The following ADAM22 variants were observed in gnomAD, a reference collection of about 807,000 sequenced individuals.
ADAM22 encodes the protein disintegrin and metalloproteinase domain-containing protein 22.
Under a neutral mutation model 144.6 loss-of-function variants are expected in ADAM22, and 65 were observed. The ratio of observed to expected loss-of-function variants is 0.45; its 90% confidence interval spans 0.37 to 0.55. ADAM22 has a LOEUF of 0.55. Ranked by LOEUF, ADAM22 falls within the 20% of genes least tolerant of loss-of-function variation. The pLI, the probability that ADAM22 is intolerant of heterozygous loss-of-function variation, is 0.00. For synonymous variants in ADAM22, 391 were observed against 412.6 expected (o/e 0.95, Z 0.63); for missense variants, 974 against 1,184.9 (o/e 0.82, Z 2.61).
chr7:87,996,327 A>G (rs1401833439), intron 3 of ADAM22, among the ~76,000 whole-genome samples: 2 of 152,224 alleles, frequency 1.3e-5, no homozygotes, highest in Non-Finnish European at 2.9e-5. Context: ...ACAGATCCAA[A>G]GGCTGAGGAG....
chr7:87,977,543 TG>T (rs1852187304), intron 2 of ADAM22, among the ~76,000 whole-genome samples: 1 of 152,236 alleles, frequency 6.6e-6, no homozygotes, highest in Non-Finnish European at 1.5e-5. Flanking sequence ...GGAGTCCTAC[TG>T]TTTGGATATA....
chr7:88,168,350 C>T (rs745497139), intron 25 of ADAM22, 123 bp downstream of exon 25: 128 of 964,216 alleles, frequency 1.3e-4, no homozygotes, highest in Non-Finnish European at 1.9e-4. Context: ...ATCAGCTTGG[C>T]TCAGCAGCCA....
chr7:88,056,879 C>CA (rs1326110890), intron 3 of ADAM22, among the ~76,000 whole-genome samples: 1 of 152,138 alleles, frequency 6.6e-6, no homozygotes, highest in East Asian at 1.9e-4. Context: ...GTCATCGTGT[C>CA]AAGGTCTTGA....
In ADAM22 at chr7:88,038,806, A is replaced by C. The variant is rs535169646; in HGVS notation, c.324-36820A>C. On this transcript the variant is annotated intron_variant, in intron 3 of 31. Coordinates refer to ENST00000413139, the MANE Select transcript of ADAM22 (RefSeq NM_001324418.2). ...TCTTCTTTTTTTTTTTTTTAGACAG[A>C]GTCTCGCTCTGTTGCCCAGGCGGGA... Among the ~76,000 whole-genome samples the C allele has an allele frequency of 3.1e-3, 469 of 150,222 alleles. 1 individual carries two copies. The highest frequency in any genetic ancestry group is 0.011 in the African/African-American group (445 of 40,826).
At chr7:88,152,931 A>G (rs531610662) in intron 20 of ADAM22, among the ~76,000 whole-genome samples, 50 of 152,064 alleles carry the variant, frequency 3.3e-4, no homozygotes, top group African/African-American at 1.2e-3. Context: ...TGCCCGAATT[A>G]TTGGCCAAAT....
chr7:88,120,102 T>G (rs1437248553), intron 7 of ADAM22, among the ~76,000 whole-genome samples: 1 of 152,140 alleles, frequency 6.6e-6, no homozygotes, highest in African/African-American at 2.4e-5. Context: ...AATTTGTATT[T>G]CCAGTGCTTC....
intron 3 of ADAM22, among the ~76,000 whole-genome samples, chr7:88,007,998 C>T (rs1047941452): frequency 2.6e-5 from 4 of 152,164 alleles, no homozygotes; most frequent in South Asian, 2.1e-4. Flanking sequence ...GCAACCTACT[C>T]ATCTGACAAA....
At chr7:88,111,645 A>G (rs865917798) in intron 5 of ADAM22, among the ~76,000 whole-genome samples, 41 of 152,240 alleles carry the variant, frequency 2.7e-4, no homozygotes, top group African/African-American at 9.6e-4. Flanking sequence ...TTTTGATACA[A>G]CCTTTTGAAA....
At chr7:88,103,179 A>G (rs1823420956) in intron 4 of ADAM22, among the ~76,000 whole-genome samples, 1 of 152,150 alleles carries the variant, frequency 6.6e-6, no homozygotes, top group African/African-American at 2.4e-5. Context: ...AGAGCTGTCA[A>G]AGTCTAGTTT....
intron 25 of ADAM22, among the ~76,000 whole-genome samples, chr7:88,168,692 TTTC>T (rs1369450654): frequency 6.6e-6 from 1 of 152,178 alleles, no homozygotes; most frequent in East Asian, 1.9e-4. Context: ...ATGTGAAAAA[TTTC>T]TTTGTATTCA....
In ADAM22 at chr7:88,197,172, A is replaced by T. The variant is rs1455373934; in HGVS notation, c.*681A>T. ...GTTACACACAAGTGTATTTTGCCAA[A>T]TGCCTAAAAATTCCGTCACAATCAC... On this transcript the variant is annotated 3_prime_UTR_variant, in exon 32 of 32. Transcript: ENST00000413139. 6.6e-6 allele frequency: 1 copy of T among 152,286 alleles called. No homozygotes were observed. The highest frequency in any genetic ancestry group is 1.5e-5 in the Non-Finnish European group (1 of 68,086). 9.4% of individuals were successfully genotyped at this position (152,286 alleles called of 1,614,324 possible).
At chr7:87,953,005 T>C (rs1412445620) in intron 2 of ADAM22, among the ~76,000 whole-genome samples, 1 of 152,234 alleles carries the variant, frequency 6.6e-6, no homozygotes, top group East Asian at 1.9e-4. Flanking sequence ...TTATCATTTT[T>C]TATTGCATCT....
At chr7:87,999,202 G>T (rs1240778532) in intron 3 of ADAM22, among the ~76,000 whole-genome samples, 1 of 152,174 alleles carries the variant, frequency 6.6e-6, no homozygotes, top group African/African-American at 2.4e-5. Flanking sequence ...AGGGATATGG[G>T]AGACAGACTC....
intron 4 of ADAM22, among the ~76,000 whole-genome samples, chr7:88,084,811 G>C (rs1486490588): frequency 9.2e-5 from 14 of 152,060 alleles, no homozygotes. Context: ...CCACAGACTG[G>C]GTGGCTTAAA....
intron 2 of ADAM22, among the ~76,000 whole-genome samples, chr7:87,948,952 A>G (rs151194370): frequency 3.3e-5 from 5 of 152,258 alleles, no homozygotes; most frequent in Non-Finnish European, 7.4e-5. Flanking sequence ...ATTTTCTTTC[A>G]CCAAAAATGC....
At chr7:87,995,986 C>T (rs1044487578) in intron 3 of ADAM22, among the ~76,000 whole-genome samples, 2 of 152,206 alleles carry the variant, frequency 1.3e-5, no homozygotes, top group Admixed American at 6.5e-5. Flanking sequence ...TCCTGCTGAG[C>T]CCTCTGTAAC....
intron 2 of ADAM22, among the ~76,000 whole-genome samples, chr7:87,960,962 T>C (rs1847881544): frequency 6.6e-6 from 1 of 152,210 alleles, no homozygotes; most frequent in Non-Finnish European, 1.5e-5. Flanking sequence ...TTCTTTCTTC[T>C]GGGCTTATGT....
chr7:88,182,062 G>A (rs745713276), intron 29 of ADAM22, 38 bp downstream of exon 29: 1 of 1,559,878 alleles, frequency 6.4e-7, no homozygotes, highest in South Asian at 1.1e-5. Flanking sequence ...GCACTCCAAG[G>A]TCCTGTGCAA....
intron 26 of ADAM22, among the ~76,000 whole-genome samples, chr7:88,175,887 A>G (rs1291464042): frequency 6.6e-6 from 1 of 152,240 alleles, no homozygotes; most frequent in African/African-American, 2.4e-5. Flanking sequence ...AAGAAGAATT[A>G]GCTTTGTTAT....
Sources: allele counts gnomAD v4.1 joint callset (sites outside exome capture counted in the v4.1 genomes callset), GRCh38; gene constraint gnomAD v4.1.1; transcripts MANE v1.5; gene names NCBI Gene and HGNC (gene_info 2026-07-23, HGNC 2026-07-21).